Variants in KIAA1671 observed in about 807,000 individuals in gnomAD.
KIAA1671 encodes the protein KIAA1671, also known as uncharacterized protein KIAA1671.
A neutral mutation model predicts 131.2 loss-of-function variants in KIAA1671; 52 were observed. The ratio of observed to expected loss-of-function variants is 0.40; its 90% CI spans 0.32 to 0.50. The LOEUF (loss-of-function observed/expected upper bound fraction) is 0.50. Ranked by LOEUF, KIAA1671 falls within the 20% of genes least tolerant of loss-of-function variation. KIAA1671 has a pLI of 0.73. For synonymous variants in KIAA1671, 1,003 were observed against 961.6 expected (o/e 1.04, Z -0.80); for missense variants, 2,360 against 2,364.2 (o/e 1.00, Z 0.04).
chr22:25,183,138 C>T (rs1934349058), intron 10 of KIAA1671, among the ~76,000 whole-genome samples: 1 of 152,212 alleles, frequency 6.6e-6, no homozygotes, highest in African/African-American at 2.4e-5. Context: ...AAAGGTAGCT[C>T]TTCGTTCCCC....
intron 6 of KIAA1671, chr22:25,055,456 C>T (rs1247563199): frequency 6.7e-6 from 1 of 149,888 alleles, no homozygotes; most frequent in Non-Finnish European, 1.5e-5. Context: ...GGCGCCGTGG[C>T]TCATGCCTGT....
At chr22:25,074,896 A>T (rs1437383198) in intron 6 of KIAA1671, among the ~76,000 whole-genome samples, 2 of 151,918 alleles carry the variant, frequency 1.3e-5, no homozygotes, top group Non-Finnish European at 2.9e-5. Context: ...GTATATGCCC[A>T]GAAGAGGGAT....
chr22:25,062,852 G>A (rs555274670), intron 6 of KIAA1671: 1 of 51,004 alleles, frequency 2.0e-5, no homozygotes, highest in South Asian at 6.3e-4. Context: ...CTCCCTAGTT[G>A]TGTGTTTTCA....
intron 12 of KIAA1671, among the ~76,000 whole-genome samples, chr22:25,191,377 A>T (rs893496329): frequency 1.3e-5 from 2 of 152,072 alleles, no homozygotes; most frequent in African/African-American, 4.8e-5. Flanking sequence ...GCTGGTCTCG[A>T]ACTCCTGACC....
chr22:25,132,363 G>A (rs993116502), intron 6 of KIAA1671, among the ~76,000 whole-genome samples: 3 of 152,166 alleles, frequency 2.0e-5, no homozygotes, highest in Admixed American at 6.5e-5. Flanking sequence ...ATTCTAAGGT[G>A]CAGCCAGGGC....
chr22:24,975,246 C>G (rs886547622), intron 1 of KIAA1671, among the ~76,000 whole-genome samples: 3 of 151,976 alleles, frequency 2.0e-5, no homozygotes, highest in Non-Finnish European at 4.4e-5. Flanking sequence ...CCTTTTGTGA[C>G]TGGCATATTT....
intron 6 of KIAA1671, among the ~76,000 whole-genome samples, chr22:25,159,568 C>A (rs1933366590): frequency 6.6e-6 from 1 of 152,088 alleles, no homozygotes; most frequent in Non-Finnish European, 1.5e-5. Context: ...ACAGTGGACA[C>A]CAACATCATC....
chr22:25,154,456 T>C (rs1348953364), intron 6 of KIAA1671, among the ~76,000 whole-genome samples: 1 of 152,256 alleles, frequency 6.6e-6, no homozygotes, highest in Non-Finnish European at 1.5e-5. Flanking sequence ...GCCAAAGATA[T>C]ACCATCCACT....
At chr22:25,034,490 A>G (rs1468393128) in intron 4 of KIAA1671, among the ~76,000 whole-genome samples, 1 of 151,730 alleles carries the variant, frequency 6.6e-6, no homozygotes, top group East Asian at 1.9e-4. Flanking sequence ...TTGTTCACTC[A>G]GAGTAATTAT....
Position 25,039,386 on chromosome 22 carries a change from G to A in KIAA1671, c.2256G>A (p.Pro752=), listed in dbSNP as rs1287816835. Reference sequence around the variant, plus strand: ...ACAGCGAGGCCATCTCACCGGCACCGGAGGAGAAAGCGGTCACGCTCCGCA... The same window carrying A: ...ACAGCGAGGCCATCTCACCGGCACCAGAGGAGAAAGCGGTCACGCTCCGCA... ...RVHSEAISPA[P]EEKAVTLRSL... Residue 752 remains proline (P), a synonymous_variant, in exon 5 of 13, where the codon CCG becomes CCA. Coordinates refer to ENST00000358431, the MANE Select transcript of KIAA1671 (RefSeq NM_001145206.2). 35 of 1,551,692 alleles carry A rather than the reference G, an allele frequency of 2.3e-5. No individual in the cohort carries two copies. The highest frequency in any genetic ancestry group is 1.8e-4 in the South Asian group (15 of 84,062).
intron 1 of KIAA1671, among the ~76,000 whole-genome samples, chr22:24,984,912 C>CAAAAAAAAAAAAAA: frequency 1.8e-5 from 1 of 54,416 alleles, no homozygotes; most frequent in Non-Finnish European, 3.4e-5. Context: ...GACTACGTCT[C>CAAAAAAAAAAAAAA]AAAAAAAAAA....
intron 10 of KIAA1671, among the ~76,000 whole-genome samples, chr22:25,183,773 C>T (rs199782605): frequency 5.2e-4 from 78 of 151,216 alleles, no homozygotes; most frequent in African/African-American, 1.8e-3. Flanking sequence ...CCGCCTGCCT[C>T]GGCCTCCCAA....
At chr22:24,966,596 C>A (rs1922319922) in intron 1 of KIAA1671, among the ~76,000 whole-genome samples, 2 of 152,194 alleles carry the variant, frequency 1.3e-5, no homozygotes, top group African/African-American at 4.8e-5. Flanking sequence ...CACCTGCATA[C>A]CTGGGACTGT....
chr22:25,083,325 A>G (rs1447148545), intron 6 of KIAA1671, among the ~76,000 whole-genome samples: 2 of 152,212 alleles, frequency 1.3e-5, no homozygotes, highest in African/African-American at 4.8e-5. Flanking sequence ...ATTAGAGCCC[A>G]ACCTAACACC....
chr22:25,140,381 C>CTTTTTTTTTTT (rs937854977), intron 6 of KIAA1671, among the ~76,000 whole-genome samples: 2 of 146,850 alleles, frequency 1.4e-5, no homozygotes, highest in African/African-American at 5.0e-5. Context: ...TTTTTTTTTC[C>CTTTTTTTTTTT]TTTTTTTTTT....
chr22:25,017,898 T>G (rs1351502832), intron 1 of KIAA1671, among the ~76,000 whole-genome samples: 4 of 152,130 alleles, frequency 2.6e-5, no homozygotes, highest in Admixed American at 2.6e-4. Context: ...TTTAGAAAGT[T>G]GAACTTCTCC....
intron 4 of KIAA1671, among the ~76,000 whole-genome samples, chr22:25,038,013 T>C (rs2145802785): frequency 6.6e-6 from 1 of 152,256 alleles, no homozygotes; most frequent in African/African-American, 2.4e-5. Flanking sequence ...CTAGTATTTT[T>C]AGTAGAGAAC....
At chr22:24,985,764 G>A (rs536554059) in intron 1 of KIAA1671, among the ~76,000 whole-genome samples, 1 of 152,114 alleles carries the variant, frequency 6.6e-6, no homozygotes, top group East Asian at 1.9e-4. Context: ...GTGTGTGTGT[G>A]TGTGTATGGT....
In KIAA1671 at chr22:25,100,447, T is replaced by C. The variant is rs367940347; in HGVS notation, c.4530+51083T>C. The stretch of plus-strand genomic sequence containing the variant: ...AGGTCTTCCCTCCTATGACCACATC[T>C]TCTGTACCCCATAATCCAGCTGACA... On this transcript the variant is annotated intron_variant, in intron 6 of 12. Transcript: ENST00000358431. Among the ~76,000 whole-genome samples, 5 of 152,292 alleles carry C rather than the reference T, an allele frequency of 3.3e-5. No individual in the cohort carries two copies. In the East Asian group the frequency reaches 7.7e-4, roughly 24 times the overall value.
Sources: allele counts gnomAD v4.1 joint callset (sites outside exome capture counted in the v4.1 genomes callset), GRCh38; gene constraint gnomAD v4.1.1; transcripts MANE v1.5; gene names NCBI Gene and HGNC (gene_info 2026-07-23, HGNC 2026-07-21).